Variants in ZNF71 observed in about 807,000 individuals in gnomAD.
ZNF71 encodes the protein zinc finger protein 71.
In ZNF71, 3 loss-of-function variants were observed where a neutral mutation model predicts 6.7. The observed-to-expected ratio is 0.45, with a 90% CI of 0.20 to 1.16. ZNF71 has a LOEUF of 1.16. ZNF71 is among the 50% of genes most tolerant of loss of function. ZNF71 has a pLI of 0.25. For missense variants in ZNF71, 688 were observed against 728.6 expected, an observed-to-expected ratio of 0.94 and a Z score of 0.64; for synonymous variants, 343 against 311.1, an observed-to-expected ratio of 1.10 and a Z score of -1.08.
Position 56,621,945 on chromosome 19 carries a change from G to A in ZNF71, c.838G>A (p.Gly280Ser), listed in dbSNP as rs760589190. 9 of 1,606,890 alleles carry A rather than the reference G, an allele frequency of 5.6e-6. No homozygotes were observed. The highest frequency in any genetic ancestry group is 7.6e-6 in the Non-Finnish European group (9 of 1,178,622). Residue 280 changes from glycine (G) to serine (S), a missense_variant, in exon 4 of 4, where the codon GGC (glycine) becomes AGC (serine). By Grantham distance (56) the Gly-to-Ser change is moderately conservative (BLOSUM62 0). Transcript: ENST00000599599. Reference protein sequence around the residue: ...GEKPYVCDVCGKAFRKTSSLT... With the variant: ...GEKPYVCDVCSKAFRKTSSLT... ...GAAGCCGTATGTGTGCGACGTGTGTGGCAAGGCCTTCCGGAAGACTTCCTC... is the reference window on the plus strand; with the variant it reads ...GAAGCCGTATGTGTGCGACGTGTGTAGCAAGGCCTTCCGGAAGACTTCCTC...
chr19:56,595,448 G>C lies in ZNF71; in HGVS notation c.-53+20G>C, dbSNP rs1031807681. 7.7e-5 allele frequency: 12 copies of C among 156,334 alleles called. No individual in the cohort carries two copies. The highest frequency in any genetic ancestry group is 2.9e-4 in the African/African-American group (12 of 41,612). 9.7% of individuals were successfully genotyped at this position (156,334 alleles called of 1,614,324 possible). On this transcript the variant is annotated intron_variant, in intron 1 of 3. Transcript: ENST00000599599. ...GCCCAGGTACGGGGAGTGCAGGGCT[G>C]GGTGCTGGTCCAGGGCGTGCGGGCG... is the stretch of plus-strand genomic sequence containing the variant.
intron 3 of ZNF71, among the ~76,000 whole-genome samples, chr19:56,620,541 A>G (rs73059451): frequency 0.15 from 22,632 of 151,264 alleles, 2,295 homozygotes; most frequent in Non-Finnish European, 0.21. Context: ...TTATTTATTT[A>G]TTTTTTAAGA....
chr19:56,619,107 A>G (rs886734319), intron 3 of ZNF71, among the ~76,000 whole-genome samples: 4 of 152,320 alleles, frequency 2.6e-5, no homozygotes, highest in Non-Finnish European at 5.9e-5. Context: ...GATGTCTGCT[A>G]AGTCTCTCTA....
chr19:56,601,800 G>A (rs2044672832), intron 2 of ZNF71, among the ~76,000 whole-genome samples: 1 of 152,120 alleles, frequency 6.6e-6, no homozygotes, highest in Non-Finnish European at 1.5e-5. Flanking sequence ...GGCCAAACTA[G>A]CTCTCTGGAC....
chr19:56,603,569 T>G lies in ZNF71; in HGVS notation c.33+1978T>G, dbSNP rs947125996. Among the ~76,000 whole-genome samples, 1 of 152,222 alleles carries G rather than the reference T, an allele frequency of 6.6e-6. No individual in the cohort carries two copies. Among genetic ancestry groups the G allele is most frequent in the Non-Finnish European group, 1.5e-5 (1 of 68,040 alleles). On this transcript the variant is annotated intron_variant, in intron 2 of 3. Transcript: ENST00000599599. The surrounding 1 kb of genome is among the most constrained non-coding windows in gnomAD (Gnocchi z 4.6). ...TTTGAACATATGTTCTCAGTTCTCT[T>G]AGGTGTGTACCTGGAAGTGGAATGT...
rs2044764794 is a variant in ZNF71, at chr19:56,613,158, T to G, written c.34-654T>G. ...GACTTCTCTCCACTCCCCAGCAGTC[T>G]CATCTGCCTTTTCACCTTCGGGTCT... is the stretch of plus-strand genomic sequence containing the variant. On this transcript the variant is annotated intron_variant, in intron 2 of 3. Transcript: ENST00000599599. This position sits in a 1 kb window ranked among gnomAD's most constrained non-coding sequence, Gnocchi z 4.6. 6.6e-6 allele frequency among the ~76,000 whole-genome samples: 1 copy of G among 152,158 alleles called. No individual in the cohort carries two copies. The highest frequency in any genetic ancestry group is 6.5e-5 in the Admixed American group (1 of 15,272).
chr19:56,599,413 G>GT (rs2044649879), intron 1 of ZNF71, among the ~76,000 whole-genome samples: 2 of 152,254 alleles, frequency 1.3e-5, no homozygotes, highest in Admixed American at 6.5e-5. Context: ...GAGTTTTGCT[G>GT]TAAGAAGGGA....
chr19:56,621,454 G>A lies in ZNF71; in HGVS notation c.347G>A (p.Trp116Ter), dbSNP rs560681966. The A allele has an allele frequency of 5.6e-6, 9 of 1,613,964 alleles. No individual in the cohort carries two copies. In the South Asian group the frequency reaches 9.9e-5, roughly 18 times the overall value. ...ERPRGDAGAE[W>*]EPLGIPQGNK... ...CCGCGGGGAGATGCAGGTGCAGAGT[G>A]GGAGCCATTGGGAATTCCCCAGGGG... The change falls in exon 4 of 4, where the codon TGG becomes TAG. Residue 116 changes from tryptophan (W) to a stop codon, truncating the protein, a stop_gained. Transcript: ENST00000599599. LOFTEE classifies it low-confidence loss of function (END_TRUNC).
At chr19:56,602,043 T>C (rs2044674871) in intron 2 of ZNF71, among the ~76,000 whole-genome samples, 1 of 152,328 alleles carries the variant, frequency 6.6e-6, no homozygotes, top group South Asian at 2.1e-4. Flanking sequence ...CTCTGGAATG[T>C]TTGAGTCTGG....
Position 56,598,462 on chromosome 19 carries a change from A to G in ZNF71, c.-53+3034A>G, listed in dbSNP as rs1276692897. The stretch of plus-strand genomic sequence containing the variant: ...TTTGAAGAGTTTTAGCCCAGAGGAC[A>G]TTTTCACTGAGTGATTACAGTTGGC... On this transcript the variant is annotated intron_variant, in intron 1 of 3. Coordinates refer to ENST00000599599, the MANE Select transcript of ZNF71 (RefSeq NM_001370215.1). The surrounding 1 kb of genome is among the most constrained non-coding windows in gnomAD (Gnocchi z 4.2). 1.3e-5 allele frequency among the ~76,000 whole-genome samples: 2 copies of G among 152,086 alleles called. No individual in the cohort carries two copies. Among genetic ancestry groups the G allele is most frequent in the African/African-American group, 2.4e-5 (1 of 41,424 alleles).
intron 2 of ZNF71, among the ~76,000 whole-genome samples, chr19:56,607,784 A>G (rs1367729496): frequency 6.6e-6 from 1 of 152,220 alleles, no homozygotes; most frequent in Non-Finnish European, 1.5e-5. Context: ...TAAAGCAACA[A>G]TTATTTACTA....
intron 2 of ZNF71, among the ~76,000 whole-genome samples, chr19:56,609,762 A>G (rs1036237168): frequency 6.1e-5 from 9 of 147,808 alleles, no homozygotes; most frequent in Non-Finnish European, 1.0e-4. Context: ...GTTGCATATA[A>G]ATGAGGCATA....
At chr19:56,597,423 C>A (rs879721849) in intron 1 of ZNF71, among the ~76,000 whole-genome samples, 1 of 152,236 alleles carries the variant, frequency 6.6e-6, no homozygotes, top group Non-Finnish European at 1.5e-5. Context: ...ACTTCTACCC[C>A]CTTCTCATTC....
chr19:56,622,092 C>A lies in ZNF71; in HGVS notation c.985C>A (p.Pro329Thr). The change falls in exon 4 of 4, where the codon CCG becomes ACG. Residue 329 changes from proline (P) to threonine (T), a missense_variant. Transcript: ENST00000599599. ...CCAGCGCACGCACACCGGGGAGAAGCCGTACGTGTGCCCCGAGTGCGGGCG... is the reference window on the plus strand; with the variant it reads ...CCAGCGCACGCACACCGGGGAGAAGACGTACGTGTGCCCCGAGTGCGGGCG... ...VHQRTHTGEK[P>T]YVCPECGRAF... is the part of the protein sequence containing the mutation. The A allele has an allele frequency of 1.2e-6, 2 of 1,612,864 alleles. No homozygotes were observed. The highest frequency in any genetic ancestry group is 1.7e-6 in the Non-Finnish European group (2 of 1,179,102).
chr19:56,599,887 G>A (rs12973851), intron 1 of ZNF71, among the ~76,000 whole-genome samples: 88,074 of 151,056 alleles, frequency 0.58, 26,589 homozygotes, highest in East Asian at 0.99. Flanking sequence ...TAGAGACGGG[G>A]TTTCACCGTG....
chr19:56,617,112 G>GTTTTGTTTTTTT (rs1555776017), intron 3 of ZNF71, among the ~76,000 whole-genome samples: 1 of 140,634 alleles, frequency 7.1e-6, no homozygotes, highest in Non-Finnish European at 1.5e-5. Context: ...ATTTTCTTTT[G>GTTTTGTTTTTTT]TTTTTTTTTG....
At position 56,600,095 on chromosome 19, in the gene ZNF71, TG is replaced by T. The variant is rs1302603418; in HGVS notation, c.-52-1411del. On this transcript the variant is annotated intron_variant, in intron 1 of 3. Coordinates refer to ENST00000599599, the MANE Select transcript of ZNF71 (RefSeq NM_001370215.1). ...TGTGTTTTTTTGTTTTTTTGGGGTT[TG>T]TTTTTTTTTTTTTTTTTTGAGATGG... 9.1e-3 allele frequency among the ~76,000 whole-genome samples: 956 copies of T among 105,088 alleles called. 53 individuals carry two copies. The highest frequency in any genetic ancestry group is 0.018 in the African/African-American group (424 of 23,546). 68.9% of individuals were successfully genotyped at this position (105,088 alleles called of 152,430 possible). A position where few individuals can be genotyped will look rare whatever the true frequency, so the allele number is the denominator to read the frequency against.
At position 56,621,973 on chromosome 19, in the gene ZNF71, T is replaced by A. The variant is rs1361445465; in HGVS notation, c.866T>A (p.Leu289His). The A allele has an allele frequency of 6.2e-7, 1 of 1,606,158 alleles. No individual in the cohort carries two copies. The highest frequency in any genetic ancestry group is 8.5e-7 in the Non-Finnish European group (1 of 1,178,298). ...AAGGCCTTCCGGAAGACTTCCTCTC[T>A]CACCCAGCACGAGCGGATCCACACG... The part of the protein sequence containing the change: ...CGKAFRKTSS[L>H]TQHERIHTGE... Residue 289 changes from leucine (L) to histidine (H), a missense_variant, in exon 4 of 4, where the codon CTC becomes CAC. Transcript: ENST00000599599.
At chr19:56,617,003 TGGG>T in intron 3 of ZNF71, among the ~76,000 whole-genome samples, 1 of 152,300 alleles carries the variant, frequency 6.6e-6, no homozygotes, top group South Asian at 2.1e-4. Flanking sequence ...AAGCCCCATT[TGGG>T]GGAAAAATGT....
Sources: allele counts gnomAD v4.1 joint callset (sites outside exome capture counted in the v4.1 genomes callset), GRCh38; gene constraint gnomAD v4.1.1; non-coding constraint Gnocchi (gnomAD v3.1); transcripts MANE v1.5; gene names NCBI Gene and HGNC (gene_info 2026-07-23, HGNC 2026-07-21).